RBM4: variants seen among roughly 807,000 people sequenced by gnomAD.
RBM4 encodes RNA binding motif protein 4.
Under a neutral mutation model 29.5 loss-of-function variants are expected in RBM4, and 7 were observed. The observed-to-expected ratio is 0.24, with a 90% CI of 0.14 to 0.45. The LOEUF is 0.45. Among genes scored for constraint, RBM4 ranks in the 20% least tolerant of loss-of-function variants. The probability of loss-of-function intolerance (pLI) is 1.00; values close to 1 mark genes in which losing one functional copy is unlikely to be tolerated. For missense variants in RBM4, 387 were observed against 502.3 expected (o/e 0.77, Z 2.19); for synonymous variants, 220 against 205.4 (o/e 1.07, Z -0.61).
At chr11:66,654,335 C>CA (rs778815265) in intron 2 of RBM4, among the ~76,000 whole-genome samples, 43 of 142,952 alleles carry the variant, frequency 3.0e-4, no homozygotes, top group East Asian at 1.2e-3. Flanking sequence ...ACTAAAAATA[C>CA]AAAAAAAAAA....
intron 2 of RBM4, among the ~76,000 whole-genome samples, chr11:66,653,784 T>C (rs1470729334): frequency 1.3e-5 from 2 of 152,112 alleles, no homozygotes; most frequent in Non-Finnish European, 2.9e-5. Flanking sequence ...AGTCAAAAAT[T>C]ATACATGGGT....
downstream of RBM4, among the ~76,000 whole-genome samples, chr11:66,650,352 C>T (rs1938797426): frequency 6.6e-6 from 1 of 151,600 alleles, no homozygotes; most frequent in Non-Finnish European, 1.5e-5. Context: ...GGCAGATCAC[C>T]TGAGGTCGGG....
At chr11:66,651,234 T>C (rs569428076), downstream of RBM4, among the ~76,000 whole-genome samples, 1 of 151,902 alleles carries the variant, frequency 6.6e-6, no homozygotes, top group South Asian at 2.1e-4. Flanking sequence ...TTCTTACACA[T>C]GATCTCATTC....
At position 66,659,263 on chromosome 11, in the gene RBM4, CTTTTT is replaced by C. The variant is rs767959263; in HGVS notation, c.413-6572_413-6568del. ...ACCTAGCTGACATTTCTTCTTGGTT[CTTTTT>C]TTTTTTTTTTTTTTTTTTTTGAGAT... On this transcript the variant is annotated intron_variant, in intron 2 of 2. Coordinates refer to the RBM4 transcript ENST00000396053. Among the ~76,000 whole-genome samples the C allele has an allele frequency of 3.7e-3, 250 of 67,318 alleles. 1 individual carries two copies. Among genetic ancestry groups the C allele is most frequent in the African/African-American group, 0.013 (227 of 16,908 alleles). 44.2% of individuals were successfully genotyped at this position (67,318 alleles called of 152,430 possible).
At chr11:66,648,625 G>A (rs1441204546), downstream of RBM4, among the ~76,000 whole-genome samples, 1 of 152,024 alleles carries the variant, frequency 6.6e-6, no homozygotes, top group African/African-American at 2.4e-5. Context: ...GACCAGCCTG[G>A]CCAACTTGGT....
chr11:66,647,707 ATATTT>A (rs1938730599), downstream of RBM4, among the ~76,000 whole-genome samples: 1 of 152,140 alleles, frequency 6.6e-6, no homozygotes. Flanking sequence ...GATTCAACAA[ATATTT>A]TATTGAGTGA....
intron 2 of RBM4, among the ~76,000 whole-genome samples, chr11:66,658,288 A>G (rs1050918946): frequency 4.7e-5 from 7 of 149,030 alleles, no homozygotes; most frequent in African/African-American, 9.9e-5. Context: ...TCGGCCTCCC[A>G]AAATGCTGGG....
At chr11:66,640,169 C>G (rs994606460) in intron 2 of RBM4, 46 bp downstream of exon 2, 1 of 1,608,740 alleles carries the variant, frequency 6.2e-7, no homozygotes, top group Non-Finnish European at 8.5e-7. Flanking sequence ...AGGCTGTGTG[C>G]AGAAAATGGT....
At chr11:66,663,136 AGAGTT>A (rs1427206582) in intron 2 of RBM4, among the ~76,000 whole-genome samples, 2 of 152,264 alleles carry the variant, frequency 1.3e-5, no homozygotes, top group African/African-American at 2.4e-5. Context: ...AAGCTTAAGT[AGAGTT>A]GAGTCCATCA....
At position 66,643,661 on chromosome 11, in the gene RBM4, A is replaced by G. The variant is rs367722502; in HGVS notation, c.624A>G (p.Ser208=). The G allele has an allele frequency of 3.8e-5, 61 of 1,614,192 alleles. No individual in the cohort carries two copies. The highest frequency in any genetic ancestry group is 4.9e-5 in the Non-Finnish European group (58 of 1,180,024). ...RTPYTMSYGD[S]LYYNNAYGAL... ...CTTACACCATGAGCTATGGGGATTC[A>G]TTGTATTACAACAACGCGTACGGAG... The change falls in exon 3 of 4, where the codon TCA becomes TCG. Residue 208 remains serine (S), a synonymous_variant. Coordinates refer to ENST00000310092, the MANE Select transcript of RBM4 (RefSeq NM_002896.4). The surrounding 1 kb of genome is among the most constrained non-coding windows in gnomAD (Gnocchi z 6.1).
At position 66,639,884 on chromosome 11, in the gene RBM4, A is replaced by G; in HGVS notation, c.173A>G (p.Tyr58Cys). The part of the protein sequence containing the change: ...AEDAIRNLHH[Y>C]KLHGVNINVE... ...GATGCCATACGCAACCTGCACCATT[A>G]CAAGCTTCATGGGGTGAACATCAAC... Residue 58 changes from tyrosine to cysteine, a missense_variant, in exon 2 of 4, where the codon TAC becomes TGC. Around this residue, in one of 2 missense-constraint regions of RBM4, gnomAD observed 106 missense variants for 213.6 expected, o/e 0.50. Transcript: ENST00000310092. The G allele has an allele frequency of 1.2e-6, 2 of 1,614,158 alleles. No homozygotes were observed. Among genetic ancestry groups the G allele is most frequent in the Non-Finnish European group, 1.7e-6 (2 of 1,180,018 alleles).
At chr11:66,654,693 T>G (rs559636264) in intron 2 of RBM4, among the ~76,000 whole-genome samples, 1 of 148,436 alleles carries the variant, frequency 6.7e-6, no homozygotes, top group South Asian at 2.2e-4. Context: ...TGTTTTTTTT[T>G]TTTTTTTAGA....
downstream of RBM4, among the ~76,000 whole-genome samples, chr11:66,646,731 G>T (rs1262876166): frequency 6.6e-6 from 1 of 152,112 alleles, no homozygotes; most frequent in African/African-American, 2.4e-5. Flanking sequence ...ACAGATGTAG[G>T]TCTTCTCTTC....
At chr11:66,663,764 C>A (rs1939135484) in intron 2 of RBM4, among the ~76,000 whole-genome samples, 1 of 151,270 alleles carries the variant, frequency 6.6e-6, no homozygotes, top group African/African-American at 2.4e-5. Context: ...AAATATGAGC[C>A]AGAAAACTAT....
downstream of RBM4, among the ~76,000 whole-genome samples, chr11:66,648,354 C>G (rs1938753260): frequency 1.3e-5 from 2 of 151,860 alleles, no homozygotes; most frequent in South Asian, 4.2e-4. Flanking sequence ...AACCCTGTCT[C>G]TGCAAAAAAT....
intron 2 of RBM4, among the ~76,000 whole-genome samples, chr11:66,657,902 T>G (rs888009156): frequency 6.6e-6 from 1 of 152,114 alleles, no homozygotes; most frequent in African/African-American, 2.4e-5. Context: ...TTCTGTATTT[T>G]GTAGTTGTGG....
intron 2 of RBM4, chr11:66,665,671 G>T: frequency 6.6e-7 from 1 of 1,515,784 alleles, no homozygotes; most frequent in South Asian, 1.2e-5. Flanking sequence ...CTGTATTCCG[G>T]GGGGAAAAAA....
chr11:66,648,773 A>G (rs942711540), downstream of RBM4, among the ~76,000 whole-genome samples: 1 of 151,788 alleles, frequency 6.6e-6, no homozygotes, highest in Non-Finnish European at 1.5e-5. Context: ...AGATGGAGCC[A>G]TTGCACTCAA....
chr11:66,650,386 A>G (rs1486140532), downstream of RBM4, among the ~76,000 whole-genome samples: 1 of 152,076 alleles, frequency 6.6e-6, no homozygotes, highest in Admixed American at 6.5e-5. Flanking sequence ...CCTGTCAAAC[A>G]TGGGGAAACC....
Sources: gnomAD v4.1 joint callset for allele counts (sites outside exome capture counted in the v4.1 genomes callset) on GRCh38, gnomAD v4.1.1 for gene constraint, gnomAD v4.1.1 regional missense constraint, Gnocchi (gnomAD v3.1) non-coding constraint, MANE v1.5 for transcripts, NCBI Gene and HGNC (gene_info 2026-07-23, HGNC 2026-07-21) for gene names.